LRRC75A: variants seen among roughly 807,000 people sequenced by gnomAD.
LRRC75A encodes leucine-rich repeat-containing protein 75A.
A neutral mutation model predicts 26.0 loss-of-function variants in LRRC75A; 12 were observed. The observed-to-expected ratio is 0.46, with a 90% confidence interval of 0.30 to 0.75. The LOEUF is 0.75. Ranked by LOEUF, LRRC75A falls within the 30% of genes least tolerant of loss-of-function variation. The pLI, the probability that LRRC75A is intolerant of heterozygous loss-of-function variation, is 0.08. For synonymous variants in LRRC75A, 223 were observed against 219.3 expected, an observed-to-expected ratio of 1.02 and a Z score of -0.15; for missense variants, 410 against 486.6, an observed-to-expected ratio of 0.84 and a Z score of 1.48.
chr17:16,452,981 C>T (rs1295709478), intron 2 of LRRC75A, among the ~76,000 whole-genome samples: 1 of 152,082 alleles, frequency 6.6e-6, no homozygotes, highest in African/African-American at 2.4e-5. Context: ...TCAGCCTGGG[C>T]AGCTGAGCCT....
chr17:16,443,738 T>A lies in LRRC75A; in HGVS notation c.885A>T (p.Leu295=). ...LRKRSPKQGH[L]PTILELGEGP... is the part of the protein sequence containing the mutation. Reference sequence around the variant, plus strand: ...CCTCACCCAGCTCCAGGATGGTGGGTAGGTGGCCCTGCTTTGGGGAGCGCT... The same window carrying A: ...CCTCACCCAGCTCCAGGATGGTGGGAAGGTGGCCCTGCTTTGGGGAGCGCT... The change falls in exon 4 of 4, where the codon CTA becomes CTT. Residue 295 remains leucine (L), a synonymous_variant. Coordinates refer to ENST00000470794, the MANE Select transcript of LRRC75A (RefSeq NM_001113567.3). 1 of 1,613,582 alleles carries A rather than the reference T, an allele frequency of 6.2e-7. No homozygotes were observed.
At chr17:16,451,199 G>T (rs755585414) in intron 2 of LRRC75A, among the ~76,000 whole-genome samples, 3 of 152,144 alleles carry the variant, frequency 2.0e-5, no homozygotes, top group Non-Finnish European at 4.4e-5. Flanking sequence ...GTGGAGTCTG[G>T]ACACCAAGAA....
rs563922772 is a variant in LRRC75A at position 16,460,276 on chromosome 17, T to TA, written c.375+1981dup. Among the ~76,000 whole-genome samples, 411 of 152,302 alleles carry TA rather than the reference T, an allele frequency of 2.7e-3. 1 individual carries two copies. Among genetic ancestry groups the TA allele is most frequent in the Non-Finnish European group, 3.8e-3 (257 of 68,012 alleles). ...TGTTTGTAAGCCACCCAGTCTACGA[T>TA]AATTTGTTACAGCCACCTGAATGGA... On this transcript the variant is annotated intron_variant, in intron 2 of 3. Transcript: ENST00000470794.
chr17:16,485,631 A>AGT (rs35125617), intron 1 of LRRC75A, among the ~76,000 whole-genome samples: 3,312 of 128,454 alleles, frequency 0.026, 50 homozygotes, highest in South Asian at 0.063. Flanking sequence ...CAGGACAAGC[A>AGT]GTGTGTGTGT....
rs1426219353 is a variant in LRRC75A, at chr17:16,444,109, T to G, written c.514A>C (p.Ser172Arg). ...QACLKAVLAG[S>R]PPDNTVDLSG... is the part of the protein sequence containing the mutation. ...AGGTCCACTGTGTTGTCTGGGGGGCTTCCGGCCAGGACAGCCTTGAGGCTG... is the reference window on the plus strand; with the variant it reads ...AGGTCCACTGTGTTGTCTGGGGGGCGTCCGGCCAGGACAGCCTTGAGGCTG... The change falls in exon 4 of 4, where the codon AGC becomes CGC. Residue 172 changes from serine to arginine, a missense_variant. Coordinates refer to ENST00000470794, the MANE Select transcript of LRRC75A (RefSeq NM_001113567.3). 6.2e-7 allele frequency: 1 copy of G among 1,604,938 alleles called. No individual in the cohort carries two copies.
intron 1 of LRRC75A, among the ~76,000 whole-genome samples, chr17:16,487,497 G>A (rs1190281329): frequency 6.6e-6 from 1 of 152,160 alleles, no homozygotes; most frequent in African/African-American, 2.4e-5. Context: ...GGAGTGCAGA[G>A]GCTTGATCTC....
At chr17:16,448,711 C>T (rs1438086592) in intron 2 of LRRC75A, among the ~76,000 whole-genome samples, 1 of 152,162 alleles carries the variant, frequency 6.6e-6, no homozygotes, top group East Asian at 1.9e-4. Context: ...TCCTGTATGA[C>T]TGGTGTCCTA....
At chr17:16,453,402 G>A (rs2093652087) in intron 2 of LRRC75A, among the ~76,000 whole-genome samples, 1 of 152,238 alleles carries the variant, frequency 6.6e-6, no homozygotes, top group South Asian at 2.1e-4. Context: ...CACTGCCATT[G>A]CCACAAGGGG....
At chr17:16,466,991 C>T (rs1229467134) in intron 1 of LRRC75A, among the ~76,000 whole-genome samples, 3 of 151,852 alleles carry the variant, frequency 2.0e-5, no homozygotes, top group Non-Finnish European at 2.9e-5. Flanking sequence ...AACAACCTGT[C>T]GCAAGACCCA....
At chr17:16,480,625 G>A (rs1197467461) in intron 1 of LRRC75A, among the ~76,000 whole-genome samples, 7 of 117,900 alleles carry the variant, frequency 5.9e-5, no homozygotes, top group South Asian at 2.5e-4. Context: ...GCGAGACTTC[G>A]TCTCAAAAAA....
Position 16,491,827 on chromosome 17 carries a change from A to C in LRRC75A, c.164T>G (p.Val55Gly). The C allele has an allele frequency of 7.1e-7, 1 of 1,405,486 alleles. No individual in the cohort carries two copies. Among genetic ancestry groups the C allele is most frequent in the Non-Finnish European group, 9.3e-7 (1 of 1,076,956 alleles). 87.1% of individuals were successfully genotyped at this position (1,405,486 alleles called of 1,614,324 possible). A position where few individuals can be genotyped will look rare whatever the true frequency, so the allele number is the denominator to read the frequency against. ...CCGCAGCAGCTCCTGGACCATGCCG[A>C]CTCGCCGGTGGTAGGGGGGCATCCC... ...GAGMPPYHRR[V>G]GMVQELLRMV... Residue 55 changes from valine to glycine, a missense_variant, in exon 1 of 4, where the codon GTC (valine) becomes GGC (glycine). By Grantham distance (109) the Val-to-Gly change is moderately radical (BLOSUM62 -3). Transcript: ENST00000470794. The surrounding 1 kb of genome is among the most constrained non-coding windows in gnomAD (Gnocchi z 5.9).
chr17:16,454,466 C>G (rs1218307858), intron 2 of LRRC75A, among the ~76,000 whole-genome samples: 2 of 150,900 alleles, frequency 1.3e-5, no homozygotes, highest in African/African-American at 4.9e-5. Flanking sequence ...CAGAGGGGGG[C>G]GGATCACCTG....
intron 1 of LRRC75A, chr17:16,463,287 A>G (rs1158531995): frequency 6.6e-6 from 1 of 151,870 alleles, no homozygotes; most frequent in African/African-American, 2.4e-5. Context: ...GTGGGGACTA[A>G]ACTTCGTGCC....
Position 16,456,315 on chromosome 17 carries a change from AGAG to A in LRRC75A, c.375+5940_375+5942del, listed in dbSNP as rs71152813. 1.0e-2 allele frequency among the ~76,000 whole-genome samples: 765 copies of A among 76,638 alleles called. 92 individuals are homozygous for A. Among genetic ancestry groups the A allele is most frequent in the African/African-American group, 0.039 (682 of 17,624 alleles). The allele number at this position is 76,638 out of a possible 152,430, so 50.3% of individuals were successfully genotyped here. On this transcript the variant is annotated intron_variant, in intron 2 of 3. Coordinates refer to ENST00000470794, the MANE Select transcript of LRRC75A (RefSeq NM_001113567.3). ...AAGAGAAGGAAGAGGAGGAGGAGGA[AGAG>A]GAGAAGAAGGAAGAGGAGGAGGAAG...
intron 2 of LRRC75A, chr17:16,448,186 G>T (rs1388508878): frequency 3.7e-6 from 2 of 535,538 alleles, no homozygotes; most frequent in Non-Finnish European, 6.9e-6. Flanking sequence ...TTGAAAAACA[G>T]ATTTATGTAA....
chr17:16,478,810 C>T (rs1319919449), intron 1 of LRRC75A: 4 of 152,158 alleles, frequency 2.6e-5, no homozygotes, highest in Admixed American at 6.6e-5. Context: ...GTTTTTACTC[C>T]GAAACGCCAC....
chr17:16,480,344 C>T (rs561973981), intron 1 of LRRC75A, among the ~76,000 whole-genome samples: 3 of 152,166 alleles, frequency 2.0e-5, no homozygotes, highest in East Asian at 1.9e-4. Flanking sequence ...GATTGGAGAC[C>T]GCTGCCCGGG....
intron 2 of LRRC75A, among the ~76,000 whole-genome samples, chr17:16,453,783 G>A (rs947563771): frequency 3.3e-5 from 5 of 152,082 alleles, no homozygotes; most frequent in African/African-American, 1.2e-4. Context: ...CTGCCCTTCT[G>A]CTGCCCTCCT....
chr17:16,487,274 C>A (rs764868703), intron 1 of LRRC75A, among the ~76,000 whole-genome samples: 6 of 152,294 alleles, frequency 3.9e-5, no homozygotes, highest in East Asian at 1.9e-4. Flanking sequence ...TGTCTGGTAG[C>A]CTTCCAACCT....
Sources: gnomAD v4.1 joint callset for allele counts (sites outside exome capture counted in the v4.1 genomes callset) on GRCh38, gnomAD v4.1.1 for gene constraint, Gnocchi (gnomAD v3.1) non-coding constraint, MANE v1.5 for transcripts, NCBI Gene and HGNC (gene_info 2026-07-23, HGNC 2026-07-21) for gene names.